NRG3: variants seen among roughly 807,000 people sequenced by gnomAD.
The protein encoded by NRG3 is pro-neuregulin-3, membrane-bound isoform.
NRG3 carries 31 observed loss-of-function variants against 66.9 expected under a neutral mutation model. The observed-to-expected ratio is 0.46, with a 90% CI of 0.35 to 0.63. NRG3 has a LOEUF of 0.63. Ranked by LOEUF, NRG3 falls within the 20% of genes least tolerant of loss-of-function variation. The probability of loss-of-function intolerance (pLI) is 0.00; values close to 1 mark genes in which losing one functional copy is unlikely to be tolerated. For missense variants in NRG3, 910 were observed against 878.9 expected, an observed-to-expected ratio of 1.04 and a Z score of -0.45; for synonymous variants, 393 against 359.4, an observed-to-expected ratio of 1.09 and a Z score of -1.06.
intron 2 of NRG3, among the ~76,000 whole-genome samples, chr10:82,455,829 A>T (rs779172918): frequency 9.9e-5 from 15 of 152,010 alleles, no homozygotes; most frequent in Non-Finnish European, 1.8e-4. Context: ...CTCGTTAGCC[A>T]GGATGGTCTC....
chr10:82,746,439 C>A (rs2058648435), intron 3 of NRG3, among the ~76,000 whole-genome samples: 2 of 152,178 alleles, frequency 1.3e-5, no homozygotes, highest in African/African-American at 4.8e-5. Context: ...GTTCTCGGTT[C>A]TCCTGTGTGG....
chr10:82,146,507 A>G (rs987206689), intron 1 of NRG3, among the ~76,000 whole-genome samples: 3 of 152,148 alleles, frequency 2.0e-5, no homozygotes, highest in African/African-American at 7.2e-5. Flanking sequence ...AATCTGGGTA[A>G]CAAACCGTAA....
At chr10:82,396,060 G>T (rs1287128277) in intron 2 of NRG3, among the ~76,000 whole-genome samples, 2 of 152,176 alleles carry the variant, frequency 1.3e-5, no homozygotes, top group Non-Finnish European at 2.9e-5. Context: ...TATGTAATCT[G>T]TAGTATGGAG....
chr10:82,470,612 G>C (rs1189644036), intron 2 of NRG3, among the ~76,000 whole-genome samples: 1 of 152,204 alleles, frequency 6.6e-6, no homozygotes, highest in Non-Finnish European at 1.5e-5. Context: ...TGATAAGCTG[G>C]AGGCAGGTTC....
At chr10:82,115,980 T>C (rs2067686918) in intron 1 of NRG3, among the ~76,000 whole-genome samples, 1 of 152,146 alleles carries the variant, frequency 6.6e-6, no homozygotes, top group Non-Finnish European at 1.5e-5. Context: ...TAAGAAGCTC[T>C]GACTTTTTGA....
chr10:82,221,356 CTTCT>C (rs1394145668), intron 1 of NRG3, among the ~76,000 whole-genome samples: 1 of 151,854 alleles, frequency 6.6e-6, no homozygotes, highest in Non-Finnish European at 1.5e-5. Flanking sequence ...ACTTTGCTGT[CTTCT>C]TTATGTTTCA....
chr10:82,661,932 C>T (rs1055383560), intron 2 of NRG3, among the ~76,000 whole-genome samples: 1 of 152,188 alleles, frequency 6.6e-6, no homozygotes, highest in Non-Finnish European at 1.5e-5. Context: ...ACAGACGCCT[C>T]ATCAGTGGTG....
chr10:82,460,055 C>G (rs940333140), intron 2 of NRG3, among the ~76,000 whole-genome samples: 16 of 152,160 alleles, frequency 1.1e-4, no homozygotes, highest in African/African-American at 3.9e-4. Context: ...AGGATTGCAT[C>G]TTTCTCCGCT....
rs184929746 is a variant in NRG3 at position 82,263,777 on chromosome 10, C to T, written c.824-94962C>T. Among the ~76,000 whole-genome samples the T allele has an allele frequency of 2.6e-5, 4 of 152,226 alleles. No individual in the cohort carries two copies. In the South Asian group the frequency reaches 8.3e-4, roughly 32 times the overall value. On this transcript the variant is annotated intron_variant, in intron 1 of 8. Coordinates refer to ENST00000372141, the MANE Select transcript of NRG3 (RefSeq NM_001010848.4). The stretch of plus-strand genomic sequence containing the variant: ...TTATTTCAATAAGAAACTCCAAGAG[C>T]ACTAGTATTCACAAGCCAAATACAG...
chr10:82,061,091 G>A (rs549254904), intron 1 of NRG3, among the ~76,000 whole-genome samples: 9 of 152,276 alleles, frequency 5.9e-5, no homozygotes, highest in East Asian at 5.8e-4. Flanking sequence ...GGTGGCTTAC[G>A]TCTGTAATGC....
At chr10:82,713,936 ATGCCC>A (rs1321809931) in intron 2 of NRG3, among the ~76,000 whole-genome samples, 2 of 152,118 alleles carry the variant, frequency 1.3e-5, no homozygotes, top group Non-Finnish European at 2.9e-5. Flanking sequence ...ATGTGGATGG[ATGCCC>A]TGCTGTCCCA....
intron 1 of NRG3, among the ~76,000 whole-genome samples, chr10:82,099,602 A>C (rs536720886): frequency 2.5e-4 from 38 of 152,312 alleles, no homozygotes; most frequent in Non-Finnish European, 4.7e-4. Flanking sequence ...TGGTATTTAC[A>C]ATAAACTCTA....
intron 2 of NRG3, among the ~76,000 whole-genome samples, chr10:82,601,593 A>G (rs1043357025): frequency 7.2e-5 from 11 of 151,794 alleles, no homozygotes; most frequent in South Asian, 2.1e-4. Context: ...TAATTTTATT[A>G]TATCAATATC....
At chr10:82,566,450 C>T (rs957999479) in intron 2 of NRG3, among the ~76,000 whole-genome samples, 4 of 151,852 alleles carry the variant, frequency 2.6e-5, no homozygotes, top group African/African-American at 7.2e-5. Context: ...TTATCCTCTA[C>T]ATTTTGAAAA....
At chr10:82,560,207 C>T (rs1351224995) in intron 2 of NRG3, among the ~76,000 whole-genome samples, 1 of 151,380 alleles carries the variant, frequency 6.6e-6, no homozygotes, top group African/African-American at 2.4e-5. Flanking sequence ...TAACTTTTAA[C>T]TTATTTTTTC....
chr10:82,083,061 C>T (rs141613720), intron 1 of NRG3, among the ~76,000 whole-genome samples: 1 of 151,974 alleles, frequency 6.6e-6, no homozygotes, highest in Non-Finnish European at 1.5e-5. Flanking sequence ...CCTCCATAGC[C>T]TCCCAAAGTA....
chr10:82,849,721 A>G (rs2063477242), intron 3 of NRG3, among the ~76,000 whole-genome samples: 1 of 152,180 alleles, frequency 6.6e-6, no homozygotes, highest in South Asian at 2.1e-4. Flanking sequence ...AGAAGAATGT[A>G]TTTTGGTTAG....
chr10:82,933,734 G>A (rs17101125), intron 4 of NRG3, among the ~76,000 whole-genome samples: 13,844 of 152,162 alleles, frequency 0.091, 850 homozygotes, highest in African/African-American at 0.16. Context: ...TGCATTGAAA[G>A]ATTGATCTAA....
chr10:81,973,585 T>G (rs1025046311), intron 1 of NRG3, among the ~76,000 whole-genome samples: 1 of 152,172 alleles, frequency 6.6e-6, no homozygotes, highest in South Asian at 2.1e-4. Flanking sequence ...TTTTTTGACT[T>G]TTTAGTAATA....
Sources: allele counts gnomAD v4.1 joint callset (sites outside exome capture counted in the v4.1 genomes callset), GRCh38; gene constraint gnomAD v4.1.1; transcripts MANE v1.5; gene names NCBI Gene and HGNC (gene_info 2026-07-23, HGNC 2026-07-21).